Variants in SATB1 observed in about 807,000 individuals in gnomAD.
SATB1 encodes SATB homeobox 1.
In SATB1, 11 loss-of-function variants were observed where a neutral mutation model predicts 86.9. The observed-to-expected ratio is 0.13, with a 90% CI of 0.08 to 0.21. The LOEUF is 0.21. Ranked by LOEUF, SATB1 falls within the 10% of genes least tolerant of loss-of-function variation. The probability of loss-of-function intolerance (pLI) is 1.00; values close to 1 mark genes in which losing one functional copy is unlikely to be tolerated. For missense variants in SATB1, 551 were observed against 937.6 expected (o/e 0.59, Z 5.39); for synonymous variants, 357 against 357.2 (o/e 1.00, Z 0.01).
chr3:18,393,069 A>G (rs1264481752), intron 7 of SATB1, among the ~76,000 whole-genome samples: 1 of 152,108 alleles, frequency 6.6e-6, no homozygotes, highest in Non-Finnish European at 1.5e-5. Context: ...CACGCCAAAA[A>G]TAAGTCACAG....
chr3:18,423,446 C>T (rs913290296), intron 1 of SATB1, among the ~76,000 whole-genome samples, 181 bp downstream of exon 1: 4 of 152,090 alleles, frequency 2.6e-5, no homozygotes, highest in African/African-American at 4.8e-5. Context: ...CCTCCTTCGC[C>T]CCCACACAAC....
intron 9 of SATB1, among the ~76,000 whole-genome samples, chr3:18,362,863 A>AC (rs36172595): frequency 0.026 from 3,657 of 143,038 alleles, 226 homozygotes; most frequent in African/African-American, 0.091. Context: ...CCATGTGCAA[A>AC]AAAAAAAAAA....
chr3:18,424,463 T>C lies in SATB1; in HGVS notation c.-861A>G, dbSNP rs1698564572. ...CGCGAGAAAAGCCCCGGAAAGGCAC[T>C]AAAATGCCACTTTTGATTCTGCCCT... On this transcript the variant is annotated 5_prime_UTR_variant, in exon 1 of 11. Coordinates refer to ENST00000338745, the MANE Select transcript of SATB1 (RefSeq NM_002971.6). 6.6e-6 allele frequency: 1 copy of C among 152,062 alleles called. No homozygotes were observed. Among genetic ancestry groups the C allele is most frequent in the Non-Finnish European group, 1.5e-5 (1 of 68,080 alleles). The allele number at this position is 152,062 out of a possible 1,614,324, so 9.4% of individuals were successfully genotyped here.
At chr3:18,443,412 G>T (rs1451812606), upstream of SATB1, among the ~76,000 whole-genome samples, 1 of 152,214 alleles carries the variant, frequency 6.6e-6, no homozygotes, top group African/African-American at 2.4e-5. The surrounding 1 kb of genome is among the most constrained non-coding windows in gnomAD (Gnocchi z 4.4). Flanking sequence ...ACATTTGCTT[G>T]TAAGTCCGGA....
intron 2 of SATB1, among the ~76,000 whole-genome samples, chr3:18,419,448 T>C (rs1268013588): frequency 6.6e-6 from 1 of 152,172 alleles, no homozygotes; most frequent in Non-Finnish European, 1.5e-5. Flanking sequence ...ACGTCTGCCA[T>C]AAGGAGCAGT....
intron 2 of SATB1, among the ~76,000 whole-genome samples, chr3:18,431,928 G>A (rs922359676): frequency 6.6e-6 from 1 of 152,158 alleles, no homozygotes; most frequent in Admixed American, 6.5e-5. Context: ...CAGAAATCCT[G>A]TGCAGGTATG....
At chr3:18,430,871 T>G (rs562253326) in intron 2 of SATB1, among the ~76,000 whole-genome samples, 30 of 152,264 alleles carry the variant, frequency 2.0e-4, no homozygotes, top group African/African-American at 7.0e-4. Context: ...CAAAGGTCAT[T>G]ATAGTTGAGG....
chr3:18,355,198 T>C (rs1694569938), intron 9 of SATB1, among the ~76,000 whole-genome samples: 1 of 151,970 alleles, frequency 6.6e-6, no homozygotes, highest in African/African-American at 2.4e-5. Context: ...TGCGCATTGC[T>C]CTTAAAAAAA....
chr3:18,414,604 G>C (rs1038497462), intron 5 of SATB1, among the ~76,000 whole-genome samples: 1 of 152,014 alleles, frequency 6.6e-6, no homozygotes, highest in South Asian at 2.1e-4. Flanking sequence ...CTTTAGTTAA[G>C]AGTAATTATT....
intron 2 of SATB1, among the ~76,000 whole-genome samples, chr3:18,419,855 C>T (rs893896976): frequency 2.6e-5 from 4 of 152,082 alleles, no homozygotes; most frequent in Admixed American, 2.0e-4. Context: ...TCTTTGTTTT[C>T]GCCAAACCAA....
chr3:18,442,394 C>G (rs1699265359), upstream of SATB1, among the ~76,000 whole-genome samples: 1 of 152,010 alleles, frequency 6.6e-6, no homozygotes, highest in Non-Finnish European at 1.5e-5. Context: ...TATGTATTAC[C>G]TATGACTGAA....
chr3:18,369,295 A>G lies in SATB1; in HGVS notation c.1575+8875T>C, dbSNP rs140516303. On this transcript the variant is annotated intron_variant, in intron 9 of 10. Transcript: ENST00000338745. ...ATAATACGGCATAGAATCAAGGGACATTATGCACCCTACCCACCCCCCTCC... is the reference window on the plus strand; with the variant it reads ...ATAATACGGCATAGAATCAAGGGACGTTATGCACCCTACCCACCCCCCTCC... 9.7e-3 allele frequency among the ~76,000 whole-genome samples: 1,483 copies of G among 152,170 alleles called. 28 individuals carry two copies. Among genetic ancestry groups the G allele is most frequent in the African/African-American group, 0.035 (1,439 of 41,504 alleles).
At chr3:18,408,876 G>C (rs974343427) in intron 5 of SATB1, 22 of 151,810 alleles carry the variant, frequency 1.4e-4, no homozygotes, top group Non-Finnish European at 1.8e-4. Context: ...AGCATGATTT[G>C]TTTAAGTTGT....
intron 4 of SATB1, 108 bp from the exon 5 acceptor site, chr3:18,415,342 T>C: frequency 7.9e-7 from 1 of 1,258,980 alleles, no homozygotes; most frequent in Non-Finnish European, 1.1e-6. Flanking sequence ...CAGATGCATC[T>C]GGAGATTGCT....
rs1698593674 is a variant in SATB1 at position 18,424,833 on chromosome 3, G to A, written c.-1231C>T. 1 of 152,568 alleles carries A rather than the reference G, an allele frequency of 6.6e-6. No individual in the cohort carries two copies. The highest frequency in any genetic ancestry group is 2.1e-4 in the South Asian group (1 of 4,832). The allele number at this position is 152,568 out of a possible 1,614,324, so 9.5% of individuals were successfully genotyped here. ...GGGCAGCGTCCTCTAGAGTCGCCCT[G>A]GCTTTCGGCTGGGCCCCCGGGCAGG... On this transcript the variant is annotated 5_prime_UTR_variant, in exon 1 of 11. The change creates a premature stop within an existing upstream ORF in the 5' untranslated region. Transcript: ENST00000338745.
chr3:18,433,014 C>T (rs968916720), intron 2 of SATB1, among the ~76,000 whole-genome samples: 4 of 152,182 alleles, frequency 2.6e-5, no homozygotes, highest in South Asian at 2.1e-4. Context: ...ATGATGAATA[C>T]CTGACCCAAG....
At chr3:18,412,545 C>A (rs1192925237) in intron 5 of SATB1, among the ~76,000 whole-genome samples, 1 of 151,988 alleles carries the variant, frequency 6.6e-6, no homozygotes, top group African/African-American at 2.4e-5. Context: ...TGGTGTATTG[C>A]ATGCTAAAGG....
intron 6 of SATB1, among the ~76,000 whole-genome samples, chr3:18,395,179 T>C: frequency 6.6e-6 from 1 of 152,188 alleles, no homozygotes; most frequent in East Asian, 1.9e-4. Context: ...AATCAATTAT[T>C]ACCCAAACTC....
chr3:18,443,825 T>C lies in SATB1; in HGVS notation c.-25+1693A>G, dbSNP rs1699304719. The stretch of plus-strand genomic sequence containing the variant: ...GCTGCACCTGTGATGTCCCGGCCCC[T>C]GCTAAGAGGACGGCCCTTTCTTCTG... On this transcript the variant is annotated intron_variant, in intron 1 of 3. Transcript: ENST00000415069. This position sits in a 1 kb window ranked among gnomAD's most constrained non-coding sequence, Gnocchi z 4.4. Among the ~76,000 whole-genome samples, 1 of 152,194 alleles carries C rather than the reference T, an allele frequency of 6.6e-6. No homozygotes were observed. The highest frequency in any genetic ancestry group is 2.4e-5 in the African/African-American group (1 of 41,448).
Sources: allele counts gnomAD v4.1 joint callset (sites outside exome capture counted in the v4.1 genomes callset), GRCh38; gene constraint gnomAD v4.1.1; non-coding constraint Gnocchi (gnomAD v3.1); transcripts MANE v1.5; gene names NCBI Gene and HGNC (gene_info 2026-07-23, HGNC 2026-07-21).